Variants in WDR37 observed in about 807,000 individuals in gnomAD.
The protein encoded by WDR37 is WD repeat domain 37, also known as WD repeat-containing protein 37.
WDR37 carries 19 observed loss-of-function variants against 62.9 expected under a neutral mutation model. That is an observed-to-expected ratio of 0.30 (90% CI 0.21 to 0.44). The LOEUF is 0.44. Among genes scored for constraint, WDR37 ranks in the 20% least tolerant of loss-of-function variants. The pLI is 1.00. For missense variants in WDR37, 474 were observed against 657.6 expected (o/e 0.72, Z 3.05); for synonymous variants, 250 against 260.9 (o/e 0.96, Z 0.40).
chr10:1,075,025 C>T (rs774665894), intron 2 of WDR37, among the ~76,000 whole-genome samples: 3 of 152,186 alleles, frequency 2.0e-5, no homozygotes, highest in African/African-American at 7.2e-5. Context: ...TGCTGAGTCA[C>T]GGCAGTAGTG....
intron 4 of WDR37, 66 bp from the exon 5 acceptor site, chr10:1,080,346 C>T: frequency 6.2e-7 from 1 of 1,600,186 alleles, no homozygotes; most frequent in Non-Finnish European, 8.6e-7. Context: ...GACACAAGAC[C>T]CATTTGTGAG....
chr10:1,107,820 C>T (rs116222905), intron 11 of WDR37, among the ~76,000 whole-genome samples: 2,238 of 152,188 alleles, frequency 0.015, 51 homozygotes, highest in African/African-American at 0.051. Flanking sequence ...TCTCTCTTTA[C>T]ACATGTGTAC....
chr10:1,107,548 CAT>C lies in WDR37; in HGVS notation c.1103+2282_1103+2283del, dbSNP rs1835063561. ...ATTGCAGCACTGCTGTCTCTTTACA[CAT>C]GTGTACACACCTCTCTCTGAAACAC... On this transcript the variant is annotated intron_variant, in intron 11 of 13. Transcript: ENST00000263150. 2.0e-5 allele frequency among the ~76,000 whole-genome samples: 3 copies of C among 152,104 alleles called. No homozygotes were observed. In the South Asian group the frequency reaches 6.2e-4, roughly 32 times the overall value.
intron 1 of WDR37, among the ~76,000 whole-genome samples, chr10:1,068,355 C>CCTGTAGTCCCAGACACTCGGGAGG (rs755345670): frequency 2.6e-5 from 3 of 115,412 alleles, no homozygotes; most frequent in Non-Finnish European, 1.8e-5. Context: ...GTGGCGGGCG[C>CCTGTAGTCCCAGACACTCGGGAGG]CTGAGGCAGG....
At chr10:1,083,676 T>G (rs993989826) in intron 5 of WDR37, among the ~76,000 whole-genome samples, 1 of 152,236 alleles carries the variant, frequency 6.6e-6, no homozygotes, top group Non-Finnish European at 1.5e-5. Flanking sequence ...CAAGAGGGCA[T>G]GAGAACTGTC....
intron 1 of WDR37, among the ~76,000 whole-genome samples, chr10:1,057,596 G>C (rs1443690361): frequency 6.6e-6 from 1 of 152,166 alleles, no homozygotes; most frequent in East Asian, 1.9e-4. Flanking sequence ...AGCAGCCACC[G>C]CTGGAGGGAA....
At chr10:1,104,655 G>A (rs1834946424) in intron 10 of WDR37, among the ~76,000 whole-genome samples, 1 of 152,190 alleles carries the variant, frequency 6.6e-6, no homozygotes, top group Non-Finnish European at 1.5e-5. Flanking sequence ...TGAAGGGAAG[G>A]GTGTTAGGCA....
chr10:1,058,528 T>TG (rs1833273461), intron 1 of WDR37, among the ~76,000 whole-genome samples: 1 of 152,262 alleles, frequency 6.6e-6, no homozygotes, highest in South Asian at 2.1e-4. Flanking sequence ...TTACATCTGT[T>TG]GAATTTCATC....
In WDR37 at chr10:1,129,255, C is replaced by T. The variant is rs748543370; in HGVS notation, c.1396C>T (p.His466Tyr). The change falls in exon 14 of 14, where the codon CAC becomes TAC. Residue 466 changes from histidine (H) to tyrosine (Y), a missense_variant. By Grantham distance (83) the His-to-Tyr change is moderately conservative (BLOSUM62 2). Coordinates refer to ENST00000263150, the MANE Select transcript of WDR37 (RefSeq NM_014023.4). ...ATGCTGCTCGGCATGGAGTGAAGAC[C>T]ACCCCGTGTGCAATCTGTTCACCTG... is the stretch of plus-strand genomic sequence containing the variant. ...MVCCSAWSEDHPVCNLFTCGF... is the reference protein window; with the variant it reads ...MVCCSAWSEDYPVCNLFTCGF... The T allele has an allele frequency of 9.5e-5, 153 of 1,614,004 alleles. No individual in the cohort carries two copies. The highest frequency in any genetic ancestry group is 1.3e-4 in the Non-Finnish European group (150 of 1,180,022).
Position 1,072,190 on chromosome 10 carries a change from G to A in WDR37, c.35G>A (p.Arg12His), listed in dbSNP as rs778442799. The change falls in exon 2 of 14, where the codon CGC becomes CAC. Residue 12 changes from arginine (R) to histidine (H), a missense_variant. By Grantham distance (29) the Arg-to-His change is conservative. Transcript: ENST00000263150. ...GAAAGCGCAAGTTGTTCGACTGCTC[G>A]CCAAACAAAACAGAAGCGCAAATCC... ...PTESASCSTA[R>H]QTKQKRKSHS... 3.7e-6 allele frequency: 6 copies of A among 1,613,904 alleles called. No homozygotes were observed. The highest frequency in any genetic ancestry group is 5.1e-6 in the Non-Finnish European group (6 of 1,179,994).
At position 1,069,390 on chromosome 10, in the gene WDR37, T is replaced by TATATATATATA. The variant is rs1491098746; in HGVS notation, c.-40-2726_-40-2725insATATATATATA. 2.1e-3 allele frequency among the ~76,000 whole-genome samples: 99 copies of TATATATATATA among 47,096 alleles called. 1 individual carries two copies. The East Asian group carries it at 0.024, about 12-fold the overall frequency. 30.9% of individuals were successfully genotyped at this position (47,096 alleles called of 152,430 possible). ...GAAAGAATATATATATATATATATA[T>TATATATATATA]TTTTTTTTTTTTTTTTTGCAGCAGG... On this transcript the variant is annotated intron_variant, in intron 1 of 13. Coordinates refer to ENST00000263150, the MANE Select transcript of WDR37 (RefSeq NM_014023.4).
chr10:1,126,329 C>G (rs1324411490), intron 13 of WDR37, among the ~76,000 whole-genome samples: 1 of 151,058 alleles, frequency 6.6e-6, no homozygotes, highest in Non-Finnish European at 1.5e-5. Flanking sequence ...TGGCGTGAAC[C>G]CAGGAGGCGG....
At chr10:1,091,239 G>C (rs1333327287) in intron 7 of WDR37, among the ~76,000 whole-genome samples, 1 of 152,120 alleles carries the variant, frequency 6.6e-6, no homozygotes, top group Non-Finnish European at 1.5e-5. Context: ...CTGAGGGTTG[G>C]GATAGACATA....
chr10:1,062,841 A>G (rs529655687), intron 1 of WDR37, among the ~76,000 whole-genome samples: 395 of 152,320 alleles, frequency 2.6e-3, no homozygotes, highest in Non-Finnish European at 4.3e-3. Context: ...TAATCCAAGC[A>G]CTTTGGGAGG....
chr10:1,072,079 C>T (rs1357229641), intron 1 of WDR37, 37 bp from the exon 2 acceptor site: 1 of 1,525,814 alleles, frequency 6.6e-7, no homozygotes, highest in Non-Finnish European at 8.9e-7. Context: ...TTTCAACTCG[C>T]TGTATCAGAA....
At chr10:1,089,281 C>T (rs4880473) in intron 7 of WDR37, among the ~76,000 whole-genome samples, 26,492 of 151,922 alleles carry the variant, frequency 0.17, 2,759 homozygotes, top group African/African-American at 0.28. Flanking sequence ...GTTCCTGTCA[C>T]GGCCGCTCAC....
intron 1 of WDR37, among the ~76,000 whole-genome samples, chr10:1,069,386 TATA>T (rs1389030942): frequency 6.0e-4 from 26 of 43,484 alleles, no homozygotes; most frequent in African/African-American, 2.0e-3. Flanking sequence ...TATATATATA[TATA>T]TTTTTTTTTT....
At chr10:1,110,757 C>T (rs1174226232) in intron 11 of WDR37, among the ~76,000 whole-genome samples, 2 of 152,234 alleles carry the variant, frequency 1.3e-5, no homozygotes, top group Admixed American at 6.5e-5. Context: ...CCCTCTGCGC[C>T]GGGGGCTTCT....
chr10:1,104,318 G>A (rs1834915808), intron 10 of WDR37, among the ~76,000 whole-genome samples: 1 of 152,306 alleles, frequency 6.6e-6, no homozygotes, highest in Non-Finnish European at 1.5e-5. Flanking sequence ...GGAGTTTGAG[G>A]CCCTGTCTTC....
Sources: allele counts gnomAD v4.1 joint callset (sites outside exome capture counted in the v4.1 genomes callset), GRCh38; gene constraint gnomAD v4.1.1; transcripts MANE v1.5; gene names NCBI Gene and HGNC (gene_info 2026-07-23, HGNC 2026-07-21).